The following ST3GAL3 variants were observed in gnomAD, a reference collection of about 807,000 sequenced individuals.
The protein encoded by ST3GAL3 is CMP-N-acetylneuraminate-beta-1,4-galactoside alpha-2,3-sialyltransferase.
A neutral mutation model predicts 50.1 loss-of-function variants in ST3GAL3; 21 were observed. That is an observed-to-expected ratio of 0.42 (90% confidence interval 0.30 to 0.60). The LOEUF is 0.60. Ranked by LOEUF, ST3GAL3 falls within the 20% of genes least tolerant of loss-of-function variation. The probability of loss-of-function intolerance (pLI) is 0.19; values close to 1 mark genes in which losing one functional copy is unlikely to be tolerated. For synonymous variants in ST3GAL3, 183 were observed against 190.0 expected (o/e 0.96, Z 0.30); for missense variants, 353 against 489.4 (o/e 0.72, Z 2.63).
intron 2 of ST3GAL3, among the ~76,000 whole-genome samples, chr1:43,764,912 A>G (rs1691988245): frequency 6.6e-6 from 1 of 152,270 alleles, no homozygotes; most frequent in Non-Finnish European, 1.5e-5. Context: ...CATAGTGCCC[A>G]AAGGGCTCTC....
At chr1:43,788,590 G>A (rs1572882379) in intron 2 of ST3GAL3, among the ~76,000 whole-genome samples, 1 of 152,164 alleles carries the variant, frequency 6.6e-6, no homozygotes, top group African/African-American at 2.4e-5. Context: ...TCAATACCCA[G>A]AATGGATTTT....
chr1:43,824,462 A>C (rs993560730), intron 4 of ST3GAL3, among the ~76,000 whole-genome samples: 1 of 152,220 alleles, frequency 6.6e-6, no homozygotes, highest in Non-Finnish European at 1.5e-5. Flanking sequence ...TAAAGATTAA[A>C]AGAGGACAAC....
intron 3 of ST3GAL3, among the ~76,000 whole-genome samples, chr1:43,805,735 C>CT (rs899459612): frequency 6.6e-6 from 1 of 152,076 alleles, no homozygotes; most frequent in African/African-American, 2.4e-5. Context: ...GAACGCTCTT[C>CT]TTTTTTTTCT....
At chr1:43,741,428 A>C (rs1040678087) in intron 2 of ST3GAL3, among the ~76,000 whole-genome samples, 2 of 152,240 alleles carry the variant, frequency 1.3e-5, no homozygotes, top group African/African-American at 4.8e-5. Context: ...AAAGATTATA[A>C]CCAGATAAAT....
At chr1:43,801,872 C>A (rs146082071) in intron 3 of ST3GAL3, among the ~76,000 whole-genome samples, 1 of 152,010 alleles carries the variant, frequency 6.6e-6, no homozygotes, top group Admixed American at 6.6e-5. Flanking sequence ...AGCAGCATTG[C>A]GCCTTTAGTC....
At chr1:43,736,088 G>A (rs1678283847) in intron 1 of ST3GAL3, 145 bp from the exon 2 acceptor site, 6 of 723,456 alleles carry the variant, frequency 8.3e-6, no homozygotes, top group Non-Finnish European at 1.2e-5. Flanking sequence ...AGATGGGGAT[G>A]AGCAGGTTAG....
intron 5 of ST3GAL3, among the ~76,000 whole-genome samples, chr1:43,877,517 A>C (rs1352847499): frequency 6.6e-6 from 1 of 152,140 alleles, no homozygotes; most frequent in Non-Finnish European, 1.5e-5. Context: ...GAATAGGTTT[A>C]GGGGAAGATA....
At chr1:43,741,484 T>C (rs1680902197) in intron 2 of ST3GAL3, among the ~76,000 whole-genome samples, 1 of 152,258 alleles carries the variant, frequency 6.6e-6, no homozygotes, top group South Asian at 2.1e-4. Flanking sequence ...GTTGATCTGA[T>C]TGCCCTGGAG....
intron 2 of ST3GAL3, among the ~76,000 whole-genome samples, chr1:43,745,169 C>T (rs2154102359): frequency 6.6e-6 from 1 of 152,286 alleles, no homozygotes; most frequent in South Asian, 2.1e-4. Flanking sequence ...ACTCTCTTTC[C>T]TTCTTCTCAT....
At chr1:43,732,486 T>G (rs973690615) in intron 1 of ST3GAL3, among the ~76,000 whole-genome samples, 3 of 152,230 alleles carry the variant, frequency 2.0e-5, no homozygotes, top group African/African-American at 7.2e-5. Context: ...CCTTTGAGGT[T>G]GAAGGGTAGA....
chr1:43,724,826 A>G (rs1443994990), intron 1 of ST3GAL3, among the ~76,000 whole-genome samples: 1 of 152,208 alleles, frequency 6.6e-6, no homozygotes, highest in East Asian at 1.9e-4. Context: ...GGGGCTGTAT[A>G]AAGGTCAAAT....
intron 9 of ST3GAL3, among the ~76,000 whole-genome samples, chr1:43,915,130 A>G (rs1168482550): frequency 6.6e-6 from 1 of 152,234 alleles, no homozygotes; most frequent in African/African-American, 2.4e-5. Context: ...AGATGTTGCC[A>G]CAGAGTTGGG....
At chr1:43,778,435 A>C (rs1698099005) in intron 2 of ST3GAL3, among the ~76,000 whole-genome samples, 1 of 152,164 alleles carries the variant, frequency 6.6e-6, no homozygotes, top group Admixed American at 6.5e-5. Context: ...CTGATGGGAA[A>C]AATAAAAAGC....
intron 9 of ST3GAL3, among the ~76,000 whole-genome samples, chr1:43,901,988 C>T (rs1248249744): frequency 2.0e-5 from 3 of 152,212 alleles, no homozygotes; most frequent in African/African-American, 7.2e-5. Context: ...CCTTTGGCTG[C>T]CCAAGGGACC....
At chr1:43,878,298 C>T (rs1558693241) in intron 5 of ST3GAL3, among the ~76,000 whole-genome samples, 1 of 152,244 alleles carries the variant, frequency 6.6e-6, no homozygotes, top group East Asian at 1.9e-4. Context: ...CAAAATCTTA[C>T]TTTAGGAAGT....
chr1:43,801,359 C>G (rs2059294494), intron 3 of ST3GAL3: 1 of 456,116 alleles, frequency 2.2e-6, no homozygotes, highest in African/African-American at 2.0e-5. Flanking sequence ...AACGGAAATG[C>G]CAGTAGCATG....
chr1:43,870,253 G>A (rs952287872), intron 5 of ST3GAL3, among the ~76,000 whole-genome samples: 2 of 152,218 alleles, frequency 1.3e-5, no homozygotes, highest in African/African-American at 4.8e-5. Context: ...AGTTAAGAGC[G>A]AGGTGGTGAT....
At chr1:43,906,652 C>G (rs937757406) in intron 9 of ST3GAL3, among the ~76,000 whole-genome samples, 8 of 138,692 alleles carry the variant, frequency 5.8e-5, no homozygotes, top group African/African-American at 1.9e-4. Flanking sequence ...CCTCCTCCTG[C>G]TCCTCTTCCC....
chr1:43,903,606 G>A (rs1189773782), intron 9 of ST3GAL3, among the ~76,000 whole-genome samples: 1 of 152,176 alleles, frequency 6.6e-6, no homozygotes, highest in Non-Finnish European at 1.5e-5. Context: ...CTGGGAGTGG[G>A]TCCCTGGACA....
Sources: gnomAD v4.1 joint callset for allele counts (sites outside exome capture counted in the v4.1 genomes callset) on GRCh38, gnomAD v4.1.1 for gene constraint, MANE v1.5 for transcripts, NCBI Gene and HGNC (gene_info 2026-07-23, HGNC 2026-07-21) for gene names.